Variants in SHANK2 observed in about 807,000 individuals in gnomAD.
The protein encoded by SHANK2 is SH3 and multiple ankyrin repeat domains 2.
A neutral mutation model predicts 133.7 loss-of-function variants in SHANK2; 43 were observed. The observed-to-expected ratio is 0.32, with a 90% CI of 0.25 to 0.41. The LOEUF is 0.41. Among genes scored for constraint, SHANK2 ranks in the 10% least tolerant of loss-of-function variants. The pLI is 1.00. For missense variants in SHANK2, 1,994 were observed against 2,235.8 expected, an observed-to-expected ratio of 0.89 and a Z score of 2.18; for synonymous variants, 1,017 against 952.8, an observed-to-expected ratio of 1.07 and a Z score of -1.24.
At chr11:70,556,215 G>T (rs1343355216) in intron 17 of SHANK2, among the ~76,000 whole-genome samples, 1 of 152,044 alleles carries the variant, frequency 6.6e-6, no homozygotes, top group Non-Finnish European at 1.5e-5. Flanking sequence ...TTTATGCCTC[G>T]ATAGCCATTT....
At chr11:70,627,709 C>T (rs1176320844) in intron 17 of SHANK2, among the ~76,000 whole-genome samples, 1 of 152,214 alleles carries the variant, frequency 6.6e-6, no homozygotes, top group African/African-American at 2.4e-5. Context: ...ATGCTTTATA[C>T]ACATAGCCTG....
chr11:70,914,760 G>A (rs192198440), intron 10 of SHANK2, among the ~76,000 whole-genome samples: 339 of 138,010 alleles, frequency 2.5e-3, no homozygotes, highest in Non-Finnish European at 4.4e-3. Flanking sequence ...GCGTGGTAGC[G>A]CACACCTGTA....
At chr11:71,245,849 G>A (rs1954953722) in intron 1 of SHANK2, among the ~76,000 whole-genome samples, 1 of 152,206 alleles carries the variant, frequency 6.6e-6, no homozygotes, top group Admixed American at 6.5e-5. Context: ...TCCCTTTCCT[G>A]GGGGACCTGT....
At chr11:70,560,525 G>T (rs2059895924) in intron 17 of SHANK2, among the ~76,000 whole-genome samples, 1 of 23,320 alleles carries the variant, frequency 4.3e-5, no homozygotes, top group Admixed American at 6.4e-4. Flanking sequence ...AAAAGGACAA[G>T]CTGATTGTAA....
chr11:71,222,568 T>C (rs931351111), intron 2 of SHANK2, among the ~76,000 whole-genome samples: 5 of 152,176 alleles, frequency 3.3e-5, no homozygotes, highest in Non-Finnish European at 7.4e-5. Context: ...CAGAAGCGCA[T>C]GCACGCCATG....
intron 17 of SHANK2, among the ~76,000 whole-genome samples, chr11:70,545,248 T>C (rs2059676319): frequency 6.6e-6 from 1 of 152,254 alleles, no homozygotes; most frequent in African/African-American, 2.4e-5. Flanking sequence ...CAGCGTCGCA[T>C]TGCTAATCAG....
At chr11:70,537,567 G>A (rs535952681) in intron 17 of SHANK2, among the ~76,000 whole-genome samples, 77 of 152,300 alleles carry the variant, frequency 5.1e-4, no homozygotes, top group African/African-American at 1.8e-3. Flanking sequence ...GGGATGGCAC[G>A]GGGCCCTGCC....
At chr11:70,864,342 T>C (rs1238951443) in intron 11 of SHANK2, 2 of 158,662 alleles carry the variant, frequency 1.3e-5, no homozygotes, top group African/African-American at 4.8e-5. Flanking sequence ...AAATGAAGTT[T>C]AGGAAAAATC....
At chr11:70,924,748 T>C (rs559547110) in intron 10 of SHANK2, among the ~76,000 whole-genome samples, 218 of 152,220 alleles carry the variant, frequency 1.4e-3, no homozygotes, top group African/African-American at 5.2e-3. Flanking sequence ...TGAGCCACCG[T>C]ACCCAGCCCC....
intron 17 of SHANK2, among the ~76,000 whole-genome samples, chr11:70,579,660 G>T (rs1380661795): frequency 6.6e-6 from 1 of 152,246 alleles, no homozygotes; most frequent in Non-Finnish European, 1.5e-5. Flanking sequence ...TCCTGTGCAG[G>T]TCAGCCTGCT....
chr11:70,839,203 A>G (rs556170864), intron 11 of SHANK2, among the ~76,000 whole-genome samples: 14 of 152,254 alleles, frequency 9.2e-5, no homozygotes, highest in African/African-American at 3.4e-4. Context: ...GGCTCCTTCA[A>G]ATTACTTTTT....
chr11:70,946,245 T>C (rs1950730696), intron 10 of SHANK2, among the ~76,000 whole-genome samples: 1 of 137,418 alleles, frequency 7.3e-6, no homozygotes. Context: ...CCCTCTCCGC[T>C]AACCAACCCT....
At chr11:70,494,089 C>CAAGAGGAAGT (rs1179958473) in intron 21 of SHANK2, among the ~76,000 whole-genome samples, 54 of 152,290 alleles carry the variant, frequency 3.5e-4, no homozygotes, top group Non-Finnish European at 2.9e-5. Context: ...GAGGTCCCCA[C>CAAGAGGAAGT]AAGAGGAAGT....
chr11:70,522,118 C>T (rs1438353411), intron 17 of SHANK2, among the ~76,000 whole-genome samples: 2 of 152,228 alleles, frequency 1.3e-5, no homozygotes, highest in African/African-American at 4.8e-5. Context: ...TGCAGTTCCG[C>T]CACGTGATTC....
intron 18 of SHANK2, 43 bp downstream of exon 18, chr11:70,502,753 C>CCCGGG: frequency 7.2e-7 from 1 of 1,390,686 alleles, no homozygotes; most frequent in Non-Finnish European, 9.6e-7. Flanking sequence ...CCCCCCCCCC[C>CCCGGG]AGTAGGGCCC....
intron 13 of SHANK2, among the ~76,000 whole-genome samples, chr11:70,800,470 G>A (rs1385624869): frequency 1.3e-5 from 2 of 152,194 alleles, no homozygotes; most frequent in Non-Finnish European, 2.9e-5. Flanking sequence ...AAAGGCAACA[G>A]CCCTGCTGAA....
chr11:70,865,563 T>C (rs1949342127), intron 11 of SHANK2, among the ~76,000 whole-genome samples: 1 of 151,990 alleles, frequency 6.6e-6, no homozygotes. Flanking sequence ...AACCGCCCAT[T>C]GGATGGAGGT....
intron 8 of SHANK2, among the ~76,000 whole-genome samples, chr11:71,084,962 A>G (rs1380924251): frequency 6.6e-6 from 1 of 152,142 alleles, no homozygotes; most frequent in Non-Finnish European, 1.5e-5. Flanking sequence ...GGTCCTATAC[A>G]CATTTGACCA....
chr11:70,935,280 A>G (rs928702889), intron 10 of SHANK2, among the ~76,000 whole-genome samples: 1 of 151,974 alleles, frequency 6.6e-6, no homozygotes, highest in Non-Finnish European at 1.5e-5. Flanking sequence ...CAGATGAAAA[A>G]CACAGCCCAT....
Sources: allele counts gnomAD v4.1 joint callset (sites outside exome capture counted in the v4.1 genomes callset), GRCh38; gene constraint gnomAD v4.1.1; transcripts MANE v1.5; gene names NCBI Gene and HGNC (gene_info 2026-07-23, HGNC 2026-07-21).